Variants in UACA observed in about 807,000 individuals in gnomAD.
UACA encodes the protein nuclear membrane binding protein.
Under a neutral mutation model 160.5 loss-of-function variants are expected in UACA, and 112 were observed. The ratio of observed to expected loss-of-function variants is 0.70; its 90% CI spans 0.60 to 0.82. The LOEUF (loss-of-function observed/expected upper bound fraction) is 0.82, where lower values mean the gene tolerates loss of function less well. Ranked by LOEUF, UACA falls within the 40% of genes least tolerant of loss-of-function variation. The probability of loss-of-function intolerance (pLI) is 0.00; values close to 1 mark genes in which losing one functional copy is unlikely to be tolerated. For missense variants in UACA, 1,574 were observed against 1,614.6 expected, an observed-to-expected ratio of 0.97 and a Z score of 0.43; for synonymous variants, 557 against 568.4, an observed-to-expected ratio of 0.98 and a Z score of 0.29.
chr15:70,689,111 C>A (rs571001301), intron 5 of UACA, among the ~76,000 whole-genome samples: 2 of 152,240 alleles, frequency 1.3e-5, no homozygotes, highest in East Asian at 3.9e-4. Context: ...TTCCACTAGG[C>A]TCTCTCCTCC....
In UACA at chr15:70,763,382, C is replaced by T; in HGVS notation, c.26G>A (p.Arg9Lys). 1 of 1,330,836 alleles carries T rather than the reference C, an allele frequency of 7.5e-7. No homozygotes were observed. Among genetic ancestry groups the T allele is most frequent in the Non-Finnish European group, 9.7e-7 (1 of 1,034,138 alleles). The allele number at this position is 1,330,836 out of a possible 1,614,324, so 82.4% of individuals were successfully genotyped here. A position where few individuals can be genotyped will look rare whatever the true frequency, so the allele number is the denominator to read the frequency against. Residue 9 changes from arginine (R) to lysine (K), a missense_variant, in exon 1 of 19, where the codon AGG becomes AAG. Physicochemically the swap from Arg to Lys is conservative, Grantham distance 26. Coordinates refer to ENST00000322954, the MANE Select transcript of UACA (RefSeq NM_018003.4). MKSLKSRL[R>K]RQDVPGPASS... ...CGCGGGGCCGGGCACGTCCTGCCTC[C>T]TCAGGCGGGACTTGAGGCTCTTCAT...
intron 1 of UACA, among the ~76,000 whole-genome samples, chr15:70,727,623 A>AT (rs1313517674): frequency 6.6e-6 from 1 of 152,172 alleles, no homozygotes; most frequent in Non-Finnish European, 1.5e-5. Context: ...TAAACTTTTT[A>AT]TTTGTCTCGT....
At chr15:70,691,258 T>C (rs1317561950) in intron 4 of UACA, 41 bp downstream of exon 4, 1 of 1,392,700 alleles carries the variant, frequency 7.2e-7, no homozygotes, top group South Asian at 1.3e-5. Context: ...TATGATTTGT[T>C]GTCAAAATAA....
intron 5 of UACA, among the ~76,000 whole-genome samples, chr15:70,689,463 CT>C (rs1174807348): frequency 1.3e-5 from 2 of 151,778 alleles, no homozygotes; most frequent in Non-Finnish European, 2.9e-5. Context: ...TGGAAAAATG[CT>C]TTGCAAATAC....
intron 2 of UACA, among the ~76,000 whole-genome samples, chr15:70,699,169 A>C (rs756233881): frequency 6.6e-5 from 10 of 152,162 alleles, no homozygotes; most frequent in Admixed American, 2.0e-4. Flanking sequence ...AAATGAGACC[A>C]AAGTATTTAA....
chr15:70,719,099 A>G (rs980339475), intron 1 of UACA, among the ~76,000 whole-genome samples: 5 of 151,850 alleles, frequency 3.3e-5, no homozygotes, highest in Non-Finnish European at 5.9e-5. Context: ...AAAGAGAAAG[A>G]GAAGATGAAG....
chr15:70,654,569 T>C lies in UACA; in HGVS notation c.*2487A>G, dbSNP rs992916521. 6.6e-6 allele frequency: 1 copy of C among 152,186 alleles called. No individual in the cohort carries two copies. The highest frequency in any genetic ancestry group is 2.4e-5 in the African/African-American group (1 of 41,456). The allele number at this position is 152,186 out of a possible 1,614,324, so 9.4% of individuals were successfully genotyped here. ...ATTTAAGATGTTCAATGCATGAATA[T>C]TTGATTTTATTTCAAAAGACAATTA... On this transcript the variant is annotated 3_prime_UTR_variant, in exon 19 of 19. Coordinates refer to ENST00000322954, the MANE Select transcript of UACA (RefSeq NM_018003.4).
intron 9 of UACA, 72 bp from the exon 10 acceptor site, chr15:70,679,748 C>A (rs1897428422): frequency 2.3e-6 from 2 of 873,590 alleles, no homozygotes; most frequent in East Asian, 5.7e-5. Flanking sequence ...CCTCAATTGG[C>A]AATACACCCA....
intron 1 of UACA, among the ~76,000 whole-genome samples, chr15:70,716,263 CCCAGCCACA>C (rs1000773932): frequency 6.6e-6 from 1 of 152,126 alleles, no homozygotes; most frequent in African/African-American, 2.4e-5. Flanking sequence ...AGCCCAGCCA[CCCAGCCACA>C]CCAGCAAGCA....
At chr15:70,703,748 G>A (rs1898445712) in intron 1 of UACA, among the ~76,000 whole-genome samples, 1 of 152,122 alleles carries the variant, frequency 6.6e-6, no homozygotes, top group Non-Finnish European at 1.5e-5. Context: ...GTCCTGAGCT[G>A]CCTGCCACCT....
intron 1 of UACA, among the ~76,000 whole-genome samples, chr15:70,728,213 T>A (rs748762952): frequency 6.6e-6 from 1 of 152,128 alleles, no homozygotes; most frequent in African/African-American, 2.4e-5. Flanking sequence ...TTTCACCATA[T>A]ACAAAAATGA....
chr15:70,694,980 C>T (rs1376221475), intron 3 of UACA, 37 bp downstream of exon 3: 5 of 1,510,566 alleles, frequency 3.3e-6, no homozygotes, highest in Non-Finnish European at 4.6e-6. Context: ...TTTGTTTTCA[C>T]TTTATGTTTT....
At chr15:70,744,040 C>A (rs574486160) in intron 1 of UACA, among the ~76,000 whole-genome samples, 10 of 151,828 alleles carry the variant, frequency 6.6e-5, no homozygotes, top group African/African-American at 2.2e-4. Flanking sequence ...GTCAGGAGAT[C>A]GAGACCATCC....
intron 1 of UACA, chr15:70,702,041 G>T: frequency 7.0e-7 from 1 of 1,436,600 alleles, no homozygotes. Context: ...CACATGCTGT[G>T]CTACACTTAG....
chr15:70,679,399 T>C (rs1198193689), intron 10 of UACA, among the ~76,000 whole-genome samples: 1 of 135,638 alleles, frequency 7.4e-6, no homozygotes, highest in Non-Finnish European at 1.6e-5. Context: ...CCAGACCCCA[T>C]CTCTAAATAA....
intron 18 of UACA, 89 bp downstream of exon 18, chr15:70,660,062 C>T: frequency 1.9e-6 from 2 of 1,050,722 alleles, no homozygotes; most frequent in South Asian, 1.7e-5. Context: ...CTACTTTAAA[C>T]ATCAATTACT....
At position 70,706,519 on chromosome 15, in the gene UACA, T is replaced by TTAA. The variant is rs372680247; in HGVS notation, c.79-6860_79-6859insTTA. Among the ~76,000 whole-genome samples, 722 of 121,338 alleles carry TTAA rather than the reference T, an allele frequency of 6.0e-3. 8 individuals carry two copies. The highest frequency in any genetic ancestry group is 0.018 in the African/African-American group (637 of 34,624). The allele number at this position is 121,338 out of a possible 152,430, so 79.6% of individuals were successfully genotyped here. ...TCTCAAATGCAATGATCTTATTTGT[T>TTAA]AAAAAAAAAAAAAAAAAACTCTAAA... On this transcript the variant is annotated intron_variant, in intron 1 of 18. Coordinates refer to ENST00000322954, the MANE Select transcript of UACA (RefSeq NM_018003.4).
At chr15:70,692,790 C>T (rs1390497680) in intron 3 of UACA, among the ~76,000 whole-genome samples, 1 of 152,004 alleles carries the variant, frequency 6.6e-6, no homozygotes, top group Non-Finnish European at 1.5e-5. Context: ...AACAAAAACA[C>T]CATAATTTGA....
intron 3 of UACA, among the ~76,000 whole-genome samples, chr15:70,693,576 TAGC>T (rs893764240): frequency 4.6e-5 from 7 of 151,934 alleles, no homozygotes; most frequent in African/African-American, 1.4e-4. Flanking sequence ...AAAATATAAA[TAGC>T]AGCAAAAACA....
Sources: allele counts gnomAD v4.1 joint callset (sites outside exome capture counted in the v4.1 genomes callset), GRCh38; gene constraint gnomAD v4.1.1; transcripts MANE v1.5; gene names NCBI Gene and HGNC (gene_info 2026-07-23, HGNC 2026-07-21).